The following RIT2 variants were observed in gnomAD, a reference collection of about 807,000 sequenced individuals.
RIT2 encodes GTP-binding protein Rit2.
In RIT2, 24 loss-of-function variants were observed where a neutral mutation model predicts 23.7. The observed-to-expected ratio is 1.01, with a 90% CI of 0.73 to 1.43. RIT2 has a LOEUF of 1.43. Ranked by LOEUF, RIT2 falls within the 40% of genes most tolerant of loss-of-function variation. The pLI is 0.00. For missense variants in RIT2, 236 were observed against 266.9 expected (o/e 0.88, Z 0.81); for synonymous variants, 107 against 91.1 (o/e 1.17, Z -0.99).
intron 1 of RIT2, among the ~76,000 whole-genome samples, chr18:43,105,132 T>TGTGTG (rs1568083682): frequency 9.1e-5 from 8 of 87,834 alleles, no homozygotes; most frequent in African/African-American, 2.9e-4. Flanking sequence ...GTGTGTGTGT[T>TGTGTG]TGTGTGTGTG....
chr18:43,092,283 G>T (rs1044796169), intron 1 of RIT2, among the ~76,000 whole-genome samples: 1 of 152,066 alleles, frequency 6.6e-6, no homozygotes, highest in Non-Finnish European at 1.5e-5. Flanking sequence ...GAGTTAGAAA[G>T]CTCACGCTCT....
intron 1 of RIT2, among the ~76,000 whole-genome samples, chr18:43,110,153 T>C (rs1913919524): frequency 6.6e-6 from 1 of 152,134 alleles, no homozygotes. Context: ...TTGCAAAATA[T>C]GATCATTATG....
At chr18:42,929,059 T>TATATATATATATATATATATATATA (rs1307173363) in intron 3 of RIT2, among the ~76,000 whole-genome samples, 10 of 50,228 alleles carry the variant, frequency 2.0e-4, no homozygotes, top group Non-Finnish European at 3.2e-4. Flanking sequence ...ATATATATAT[T>TATATATATATATATATATATATATA]TATATGAGAC....
At chr18:42,962,473 G>A (rs188978456) in intron 3 of RIT2, among the ~76,000 whole-genome samples, 2 of 152,288 alleles carry the variant, frequency 1.3e-5, no homozygotes, top group Admixed American at 1.3e-4. Flanking sequence ...GATTCAAGAT[G>A]AGAGAATAGC....
At chr18:42,896,359 AG>A (rs1290139962) in intron 4 of RIT2, among the ~76,000 whole-genome samples, 1 of 152,270 alleles carries the variant, frequency 6.6e-6, no homozygotes, top group Non-Finnish European at 1.5e-5. Flanking sequence ...AGACAATGAC[AG>A]GAATTTTTCT....
chr18:42,880,520 A>G (rs762736293), intron 4 of RIT2, among the ~76,000 whole-genome samples: 2 of 152,082 alleles, frequency 1.3e-5, no homozygotes, highest in Non-Finnish European at 2.9e-5. Flanking sequence ...TGGCATCCGC[A>G]TTATTGATCT....
At chr18:42,925,886 T>C (rs868283777) in intron 3 of RIT2, among the ~76,000 whole-genome samples, 203 of 151,878 alleles carry the variant, frequency 1.3e-3, no homozygotes, top group African/African-American at 4.7e-3. Context: ...TCTATATAAG[T>C]ATATATAAAT....
intron 4 of RIT2, among the ~76,000 whole-genome samples, chr18:42,882,011 A>G (rs1036790153): frequency 3.3e-5 from 5 of 152,202 alleles, no homozygotes; most frequent in Admixed American, 2.6e-4. Context: ...GCTTTTCTAC[A>G]GAATATAAGC....
chr18:42,933,208 C>A (rs1909369918), intron 3 of RIT2, among the ~76,000 whole-genome samples: 2 of 151,966 alleles, frequency 1.3e-5, no homozygotes. Flanking sequence ...GCATAATAAG[C>A]AAGCTTCTAA....
At chr18:42,840,279 C>T (rs1906728173) in intron 4 of RIT2, among the ~76,000 whole-genome samples, 1 of 152,164 alleles carries the variant, frequency 6.6e-6, no homozygotes, top group Admixed American at 6.5e-5. Flanking sequence ...CATTTATTCC[C>T]ACAGGCCATA....
intron 4 of RIT2, among the ~76,000 whole-genome samples, chr18:42,790,322 T>C (rs894562474): frequency 6.6e-6 from 1 of 152,230 alleles, no homozygotes; most frequent in African/African-American, 2.4e-5. Flanking sequence ...TGGATCAATA[T>C]GCATCTTTGC....
chr18:42,785,453 T>G (rs1422813573), intron 4 of RIT2, among the ~76,000 whole-genome samples: 6 of 152,042 alleles, frequency 3.9e-5, no homozygotes, highest in African/African-American at 1.4e-4. Context: ...CCTCTCTTTT[T>G]TTTTTTTAAT....
intron 4 of RIT2, among the ~76,000 whole-genome samples, chr18:42,839,219 A>G (rs1906698289): frequency 6.6e-6 from 1 of 152,134 alleles, no homozygotes; most frequent in Non-Finnish European, 1.5e-5. Flanking sequence ...ATTTTTTAGG[A>G]TCAATACCCC....
intron 2 of RIT2, among the ~76,000 whole-genome samples, chr18:42,988,912 C>A (rs548222551): frequency 1.3e-5 from 2 of 152,282 alleles, no homozygotes; most frequent in African/African-American, 4.8e-5. Context: ...CAGCAATCTG[C>A]TGAAGAGTAA....
At chr18:43,039,741 G>A (rs4341830) in intron 1 of RIT2, among the ~76,000 whole-genome samples, 123,585 of 152,040 alleles carry the variant, frequency 0.81, 51,499 homozygotes, top group Non-Finnish European at 0.93. Flanking sequence ...TTGGCTCTGC[G>A]GAAGGATGTA....
rs1826897987 is a variant in RIT2 at position 42,923,768 on chromosome 18, A to AG, written c.235-6dup. On this transcript the variant is annotated splice_polypyrimidine_tract_variant and splice_region_variant and intron_variant, in intron 3 of 4. Transcript: ENST00000326695. ...CCGCATGGCTGTGAATTCTGCCTGCAGGAAAAAAAAAAAAAAATTAGTTAT... is the reference window on the plus strand; with the variant it reads ...CCGCATGGCTGTGAATTCTGCCTGCAGGGAAAAAAAAAAAAAAATTAGTTAT... 5 of 1,553,840 alleles carry AG rather than the reference A, an allele frequency of 3.2e-6. No homozygotes were observed. Among genetic ancestry groups the AG allele is most frequent in the Non-Finnish European group, 4.3e-6 (5 of 1,162,026 alleles).
At chr18:42,910,828 T>C (rs1406533328) in intron 4 of RIT2, among the ~76,000 whole-genome samples, 2 of 152,098 alleles carry the variant, frequency 1.3e-5, no homozygotes, top group Admixed American at 6.6e-5. Context: ...CAAAAACCGA[T>C]AGAGCAGAAT....
At chr18:42,935,536 G>A (rs959735385) in intron 3 of RIT2, among the ~76,000 whole-genome samples, 12 of 152,064 alleles carry the variant, frequency 7.9e-5, no homozygotes, top group African/African-American at 2.9e-4. Flanking sequence ...AGTTGCATGG[G>A]GTGCCTCTGC....
chr18:43,092,304 C>T (rs1009820007), intron 1 of RIT2, among the ~76,000 whole-genome samples: 5 of 152,080 alleles, frequency 3.3e-5, no homozygotes, highest in Non-Finnish European at 7.4e-5. Context: ...AGCACATTTG[C>T]AATAGCCAAA....
Sources: gnomAD v4.1 joint callset for allele counts (sites outside exome capture counted in the v4.1 genomes callset) on GRCh38, gnomAD v4.1.1 for gene constraint, MANE v1.5 for transcripts, NCBI Gene and HGNC (gene_info 2026-07-23, HGNC 2026-07-21) for gene names.